ATP8B3: variants seen among roughly 807,000 people sequenced by gnomAD.
ATP8B3 encodes ATPase phospholipid transporting 8B3.
In ATP8B3, 141 loss-of-function variants were observed where a neutral mutation model predicts 140.9. The ratio of observed to expected loss-of-function variants is 1.00; its 90% confidence interval spans 0.87 to 1.15. The LOEUF is 1.15. Among genes scored for constraint, ATP8B3 ranks in the 50% most tolerant of loss-of-function variants. ATP8B3 has a pLI of 0.00. For missense variants in ATP8B3, 1,874 were observed against 1,740.6 expected, an observed-to-expected ratio of 1.08 and a Z score of -1.36; for synonymous variants, 765 against 714.6, an observed-to-expected ratio of 1.07 and a Z score of -1.13.
rs1236255377 is a variant in ATP8B3 at position 1,791,867 on chromosome 19, G to T, written c.2191-6C>A. On this transcript the variant is annotated splice_polypyrimidine_tract_variant and splice_region_variant and intron_variant, in intron 19 of 28. Coordinates refer to ENST00000310127, the MANE Select transcript of ATP8B3 (RefSeq NM_138813.4). ...ATGGCTGTGGCTCCCAGCAGCTGGT[G>T]GGGGAGGAGGGCAGGGCGGGGAAGA... The T allele has an allele frequency of 1.2e-6, 2 of 1,609,888 alleles. No individual in the cohort carries two copies. Among genetic ancestry groups the T allele is most frequent in the Non-Finnish European group, 1.7e-6 (2 of 1,179,204 alleles).
At position 1,809,764 on chromosome 19, in the gene ATP8B3, G is replaced by T. The variant is rs562346195; in HGVS notation, c.311-30C>A. 1.3e-5 allele frequency: 21 copies of T among 1,571,570 alleles called. No individual in the cohort carries two copies. In the East Asian group the frequency reaches 4.8e-4, roughly 36 times the overall value. The stretch of plus-strand genomic sequence containing the variant: ...AGCGAGAGAGCCGGGCGTCGCTGGA[G>T]CTCGAGGCCCAGGACAAACACCCCT... On this transcript the variant is annotated intron_variant, in intron 3 of 28. Transcript: ENST00000310127.
At chr19:1,810,553 C>A (rs1476096016) in intron 3 of ATP8B3, 69 bp downstream of exon 3, 2 of 1,482,746 alleles carry the variant, frequency 1.3e-6, no homozygotes, top group Non-Finnish European at 9.1e-7. Flanking sequence ...GGAGAGCCAC[C>A]ACGCCTGGCC....
Position 1,796,814 on chromosome 19 carries a change from C to T in ATP8B3, c.1650G>A (p.Leu550=), listed in dbSNP as rs780449444. 55 of 1,612,456 alleles carry T rather than the reference C, an allele frequency of 3.4e-5. No homozygotes were observed. Among genetic ancestry groups the T allele is most frequent in the Non-Finnish European group, 4.3e-5 (51 of 1,179,616 alleles). Residue 550 remains leucine (L), a synonymous_variant, in exon 16 of 29, where the codon CTG becomes CTA. Transcript: ENST00000310127. ...CGTCCCCGTTGGTCCGCACGAGGTG[C>T]AGCAGGGCCGCATTGTGGAAGAGCA... is the stretch of plus-strand genomic sequence containing the variant. ...GKLLFHNAAL[L]HLVRTNGDEA... is the part of the protein sequence containing the mutation.
chr19:1,807,124 G>A lies in ATP8B3; in HGVS notation c.615+44C>T, dbSNP rs199898827. ...CAGGGATCAAGAGACCCCCCCGACC[G>A]GCCCCGCTCCCTCCCCCAGGCAGCT... On this transcript the variant is annotated intron_variant, in intron 6 of 28. Coordinates refer to ENST00000310127, the MANE Select transcript of ATP8B3 (RefSeq NM_138813.4). The surrounding 1 kb of genome is among the most constrained non-coding windows in gnomAD (Gnocchi z 5.9). The A allele has an allele frequency of 2.1e-4, 327 of 1,528,090 alleles. No individual in the cohort carries two copies. The African/African-American group carries it at 3.1e-3, about 14-fold the overall frequency. The allele number at this position is 1,528,090 out of a possible 1,614,324, so 94.7% of individuals were successfully genotyped here.
rs45509492 is a variant in ATP8B3, at chr19:1,806,782, G to C, written c.616-93C>G. 6.4e-5 allele frequency: 87 copies of C among 1,358,920 alleles called. No homozygotes were observed. The African/African-American group carries it at 1.2e-3, about 18-fold the overall frequency. 84.2% of individuals were successfully genotyped at this position (1,358,920 alleles called of 1,614,324 possible). On this transcript the variant is annotated intron_variant, in intron 6 of 28. Coordinates refer to ENST00000310127, the MANE Select transcript of ATP8B3 (RefSeq NM_138813.4). This position sits in a 1 kb window ranked among gnomAD's most constrained non-coding sequence, Gnocchi z 5.6. The stretch of plus-strand genomic sequence containing the variant: ...CACTGCAGCCCAGCAGTGCCCGCCC[G>C]CAACACGGGGTCCCTGTCCGCTGGC...
At position 1,784,840 on chromosome 19, in the gene ATP8B3, G is replaced by A. The variant is rs750570289; in HGVS notation, c.3639C>T (p.Ala1213=). 6.2e-7 allele frequency: 1 copy of A among 1,608,626 alleles called. No individual in the cohort carries two copies. The highest frequency in any genetic ancestry group is 1.1e-5 in the South Asian group (1 of 89,830). ...PVLALRVIFP[A]LKELRAKEEK... ...TCACCTTGGCACGTAGCTCCTTGAGGGCTGGGAAGATGACTCGGAGGGCCA... is the reference window on the plus strand; with the variant it reads ...TCACCTTGGCACGTAGCTCCTTGAGAGCTGGGAAGATGACTCGGAGGGCCA... The change falls in exon 28 of 29, where the codon GCC becomes GCT. Residue 1213 remains alanine, a synonymous_variant. Coordinates refer to ENST00000310127, the MANE Select transcript of ATP8B3 (RefSeq NM_138813.4).
At chr19:1,791,427 G>T (rs570242588) in intron 20 of ATP8B3, among the ~76,000 whole-genome samples, 2 of 147,520 alleles carry the variant, frequency 1.4e-5, no homozygotes, top group African/African-American at 2.5e-5. Flanking sequence ...TCGCTCTGTC[G>T]CCCAGGCTGG....
chr19:1,785,027 T>A, intron 27 of ATP8B3, 81 bp from the exon 28 acceptor site: 1 of 1,525,392 alleles, frequency 6.6e-7, no homozygotes, highest in African/African-American at 1.4e-5. Context: ...TTGGTGCCTT[T>A]GTGCCTGGTC....
chr19:1,807,130 GCTCCCTCCCCCAGGCAGCTGCATCCAA>G lies in ATP8B3; in HGVS notation c.615+11_615+37del. On this transcript the variant is annotated intron_variant, in intron 6 of 28. Transcript: ENST00000310127. This position sits in a 1 kb window ranked among gnomAD's most constrained non-coding sequence, Gnocchi z 5.9. The stretch of plus-strand genomic sequence containing the variant: ...TCAAGAGACCCCCCCGACCGGCCCC[GCTCCCTCCCCCAGGCAGCTGCATCCAA>G]CAGCACTCACCATGTCGTCCACCAG... 6.5e-7 allele frequency: 1 copy of G among 1,550,164 alleles called. No homozygotes were observed. Among genetic ancestry groups the G allele is most frequent in the Non-Finnish European group, 8.9e-7 (1 of 1,127,432 alleles).
intron 26 of ATP8B3, 48 bp downstream of exon 26, chr19:1,785,421 C>T (rs773502919): frequency 1.3e-6 from 2 of 1,592,642 alleles, no homozygotes; most frequent in Admixed American, 1.7e-5. Flanking sequence ...GGGAGGAGGC[C>T]TCCATAGGCC....
chr19:1,803,388 G>T (rs1035820616), intron 10 of ATP8B3, among the ~76,000 whole-genome samples: 1 of 152,198 alleles, frequency 6.6e-6, no homozygotes, highest in African/African-American at 2.4e-5. Context: ...CTCATGGTGG[G>T]ACGGCCAGAG....
intron 21 of ATP8B3, 84 bp downstream of exon 21, chr19:1,790,673 C>T (rs1600409639): frequency 1.6e-6 from 2 of 1,230,806 alleles, no homozygotes; most frequent in Non-Finnish European, 2.2e-6. Context: ...CTTGGGCTCC[C>T]CGTCCAGTGA....
Position 1,790,768 on chromosome 19 carries a change from C to T in ATP8B3, c.2367G>A (p.Glu789=), listed in dbSNP as rs201894870. 2.3e-4 allele frequency: 371 copies of T among 1,600,538 alleles called. No individual in the cohort carries two copies. The African/African-American group carries it at 4.4e-3, about 19-fold the overall frequency. ...LLSENMLILE[E]KEISRILETY... ...TCCCCACTTCTTACCTAATCTCCTT[C>T]TCCTCCAGAATGAGCATATTCTCTG... The change falls in exon 21 of 29, where the codon GAG becomes GAA. Residue 789 remains glutamate, a synonymous_variant. Transcript: ENST00000310127.
chr19:1,782,734 A>C lies in ATP8B3; in HGVS notation c.*294T>G, dbSNP rs2068193840. Reference sequence around the variant, plus strand: ...TGTGCAACAGTGATTTCTCCTGAAAAGAATGTGACCTCTCCTTGGTCAACA... The same window carrying C: ...TGTGCAACAGTGATTTCTCCTGAAACGAATGTGACCTCTCCTTGGTCAACA... On this transcript the variant is annotated 3_prime_UTR_variant, in exon 29 of 29. Coordinates refer to ENST00000310127, the MANE Select transcript of ATP8B3 (RefSeq NM_138813.4). 1 of 413,102 alleles carries C rather than the reference A, an allele frequency of 2.4e-6. No homozygotes were observed. The highest frequency in any genetic ancestry group is 2.9e-5 in the South Asian group (1 of 34,302). 25.6% of individuals were successfully genotyped at this position (413,102 alleles called of 1,614,324 possible).
intron 14 of ATP8B3, 39 bp from the exon 15 acceptor site, chr19:1,797,044 G>A: frequency 1.9e-6 from 3 of 1,612,602 alleles, no homozygotes; most frequent in Non-Finnish European, 2.5e-6. Flanking sequence ...GCTCCCACAG[G>A]CCCCCCATTC....
rs564262650 is a variant in ATP8B3 at position 1,800,778 on chromosome 19, A to G, written c.1153-329T>C. 6.6e-6 allele frequency among the ~76,000 whole-genome samples: 1 copy of G among 151,744 alleles called. No individual in the cohort carries two copies. The highest frequency in any genetic ancestry group is 1.9e-4 in the East Asian group (1 of 5,148). On this transcript the variant is annotated intron_variant, in intron 12 of 28. Transcript: ENST00000310127. This position sits in a 1 kb window ranked among gnomAD's most constrained non-coding sequence, Gnocchi z 4.4. ...GGCTGCAGTGAGATATCATGGCGCC[A>G]CTGCACTCCATCCTGGGCAATAGAG...
chr19:1,791,328 G>A (rs965504721), intron 20 of ATP8B3, among the ~76,000 whole-genome samples: 10 of 150,820 alleles, frequency 6.6e-5, no homozygotes, highest in Non-Finnish European at 1.3e-4. Flanking sequence ...CTCCTGCCTC[G>A]TTTCTCTGGA....
At chr19:1,810,704 G>A (rs751995142) in intron 2 of ATP8B3, 21 bp from the exon 3 acceptor site, 55 of 1,608,414 alleles carry the variant, frequency 3.4e-5, no homozygotes, top group Non-Finnish European at 4.2e-5. Context: ...GAAGGGCCCC[G>A]GGTCACAGCA....
rs565854681 is a variant in ATP8B3 at position 1,785,179 on chromosome 19, G to A, written c.3512C>T (p.Pro1171Leu). 9.2e-5 allele frequency: 146 copies of A among 1,592,504 alleles called. 1 individual carries two copies. The South Asian group carries it at 1.6e-3, about 17-fold the overall frequency. ...CTCACACAGAAACGGGAAGGTCGTGGGGGATACTCTGAAGAGCCAGAAGCT... is the reference window on the plus strand; with the variant it reads ...CTCACACAGAAACGGGAAGGTCGTGAGGGATACTCTGAAGAGCCAGAAGCT... ...TQSFWLFRVS[P>L]TTFPFLYADL... is the part of the protein sequence containing the mutation. Residue 1171 changes from proline to leucine, a missense_variant, in exon 27 of 29, where the codon CCC becomes CTC. This residue lies in a region of ATP8B3 where 840 missense variants were observed against 760.9 expected (regional missense o/e 1.10). Coordinates refer to ENST00000310127, the MANE Select transcript of ATP8B3 (RefSeq NM_138813.4).
Sources: gnomAD v4.1 joint callset for allele counts (sites outside exome capture counted in the v4.1 genomes callset) on GRCh38, gnomAD v4.1.1 for gene constraint, gnomAD v4.1.1 regional missense constraint, Gnocchi (gnomAD v3.1) non-coding constraint, MANE v1.5 for transcripts, NCBI Gene and HGNC (gene_info 2026-07-23, HGNC 2026-07-21) for gene names.